Variants in NT5M observed in about 807,000 individuals in gnomAD.
NT5M encodes the protein 5'(3')-deoxyribonucleotidase, mitochondrial.
Under a neutral mutation model 22.2 loss-of-function variants are expected in NT5M, and 22 were observed. The ratio of observed to expected loss-of-function variants is 0.99; its 90% CI spans 0.71 to 1.41. The LOEUF (loss-of-function observed/expected upper bound fraction) is 1.41. Ranked by LOEUF, NT5M falls within the 40% of genes most tolerant of loss-of-function variation. The probability of loss-of-function intolerance (pLI) is 0.00; values close to 1 mark genes in which losing one functional copy is unlikely to be tolerated. For missense variants in NT5M, 322 were observed against 314.8 expected (o/e 1.02, Z -0.17); for synonymous variants, 167 against 133.0 (o/e 1.26, Z -1.76).
Position 17,340,468 on chromosome 17 carries a change from T to A in NT5M, c.430-4326T>A, listed in dbSNP as rs8081939. On this transcript the variant is annotated intron_variant, in intron 3 of 4. Transcript: ENST00000389022. ...CAAAACCAATCTTTTGTATTTTTTT[T>A]ATTTCATATTCATTTATTTCTGCTC... Among the ~76,000 whole-genome samples the A allele has an allele frequency of 6.5e-3, 993 of 152,236 alleles. 11 individuals carry two copies. The highest frequency in any genetic ancestry group is 0.023 in the African/African-American group (960 of 41,556).
chr17:17,347,048 T>C lies in NT5M; in HGVS notation c.*101T>C. 1 of 1,416,464 alleles carries C rather than the reference T, an allele frequency of 7.1e-7. No homozygotes were observed. Among genetic ancestry groups the C allele is most frequent in the Admixed American group, 2.2e-5 (1 of 46,486 alleles). The allele number at this position is 1,416,464 out of a possible 1,614,324, so 87.7% of individuals were successfully genotyped here. ...GCTGGTCTGGGAGTCCCTCCTAGAC[T>C]CCTGGGCCCCATGACCTCCTGCTGC... On this transcript the variant is annotated 3_prime_UTR_variant, in exon 5 of 5. Transcript: ENST00000389022.
At chr17:17,325,126 C>T (rs2049238612) in intron 3 of NT5M, among the ~76,000 whole-genome samples, 1 of 152,142 alleles carries the variant, frequency 6.6e-6, no homozygotes, top group African/African-American at 2.4e-5. Context: ...TCTCATACAC[C>T]CTCAAGTTTA....
At chr17:17,321,121 G>A (rs960713406) in intron 2 of NT5M, among the ~76,000 whole-genome samples, 10 of 152,018 alleles carry the variant, frequency 6.6e-5, no homozygotes, top group Non-Finnish European at 4.4e-5. Flanking sequence ...GCCAGCACAC[G>A]TTTGAATGAG....
At chr17:17,337,166 T>A (rs561268331) in intron 3 of NT5M, among the ~76,000 whole-genome samples, 1 of 152,262 alleles carries the variant, frequency 6.6e-6, no homozygotes, top group South Asian at 2.1e-4. Flanking sequence ...GATATTTCCT[T>A]GTAGTTTGAT....
chr17:17,331,037 C>T (rs773739989), intron 3 of NT5M, among the ~76,000 whole-genome samples: 13 of 151,728 alleles, frequency 8.6e-5, no homozygotes, highest in African/African-American at 9.8e-5. Flanking sequence ...CCACTGGACC[C>T]GGCCTTCTTT....
chr17:17,319,337 G>T (rs2049103382), intron 2 of NT5M, among the ~76,000 whole-genome samples: 1 of 152,156 alleles, frequency 6.6e-6, no homozygotes, highest in African/African-American at 2.4e-5. Context: ...CTTCTTTTTG[G>T]GGTGATGGAA....
In NT5M at chr17:17,335,045, T is replaced by G. The variant is rs145556472; in HGVS notation, c.430-9749T>G. Among the ~76,000 whole-genome samples the G allele has an allele frequency of 3.7e-3, 565 of 152,206 alleles. 3 individuals carry two copies. The highest frequency in any genetic ancestry group is 7.1e-3 in the Non-Finnish European group (483 of 68,008). ...CCTTCTCTCAGCAATGTTTTGTAGCTTTCAGTGTACCACTCTTGCACATAT... is the reference window on the plus strand; with the variant it reads ...CCTTCTCTCAGCAATGTTTTGTAGCGTTCAGTGTACCACTCTTGCACATAT... On this transcript the variant is annotated intron_variant, in intron 3 of 4. Transcript: ENST00000389022.
intron 3 of NT5M, 55 bp downstream of exon 3, chr17:17,323,300 G>C (rs1267579082): frequency 6.9e-7 from 1 of 1,447,404 alleles, no homozygotes; most frequent in African/African-American, 1.4e-5. Context: ...CAGGTGAGGG[G>C]TACGGGGCTC....
At chr17:17,334,623 G>C (rs1050169756) in intron 3 of NT5M, among the ~76,000 whole-genome samples, 2 of 151,512 alleles carry the variant, frequency 1.3e-5, no homozygotes, top group African/African-American at 4.8e-5. Flanking sequence ...TTACAGGCAC[G>C]CGCCACCACA....
intron 3 of NT5M, among the ~76,000 whole-genome samples, chr17:17,335,508 A>G (rs1362272059): frequency 6.6e-6 from 1 of 152,152 alleles, no homozygotes; most frequent in African/African-American, 2.4e-5. Context: ...GGTACATTAG[A>G]TGTTTTGATA....
At chr17:17,318,656 A>G (rs1456745663) in intron 2 of NT5M, among the ~76,000 whole-genome samples, 2 of 151,098 alleles carry the variant, frequency 1.3e-5, no homozygotes, top group South Asian at 2.1e-4. Context: ...GTGGTGGCAC[A>G]TACCTGTAAT....
intron 4 of NT5M, among the ~76,000 whole-genome samples, chr17:17,346,049 T>A (rs1421134123): frequency 6.6e-6 from 1 of 152,190 alleles, no homozygotes; most frequent in Non-Finnish European, 1.5e-5. Context: ...TACATTCTAT[T>A]TTTTTCCCTG....
Position 17,306,716 on chromosome 17 carries a change from C to T in NT5M, c.368+73C>T, listed in dbSNP as rs565428797. ...TGAGCCCTGTACCTCCTTCCTGCTT[C>T]TTCCCTCCTCTGCCTTCTCCTTTCT... is the stretch of plus-strand genomic sequence containing the variant. On this transcript the variant is annotated intron_variant, in intron 2 of 4. Coordinates refer to ENST00000389022, the MANE Select transcript of NT5M (RefSeq NM_020201.4). The T allele has an allele frequency of 2.5e-5, 25 of 994,698 alleles. No homozygotes were observed. In the South Asian group the frequency reaches 2.6e-4, roughly 10 times the overall value. 61.6% of individuals were successfully genotyped at this position (994,698 alleles called of 1,614,324 possible). A position where few individuals can be genotyped will look rare whatever the true frequency, so the allele number is the denominator to read the frequency against.
intron 3 of NT5M, among the ~76,000 whole-genome samples, chr17:17,325,306 G>A (rs2049242347): frequency 6.6e-6 from 1 of 151,408 alleles, no homozygotes; most frequent in African/African-American, 2.4e-5. Flanking sequence ...CTCGGCCCGG[G>A]ACTGCCCTCT....
chr17:17,319,475 A>C (rs2049106420), intron 2 of NT5M, among the ~76,000 whole-genome samples: 1 of 152,222 alleles, frequency 6.6e-6, no homozygotes, highest in Admixed American at 6.5e-5. Context: ...ACTTTTAAGA[A>C]ATGTTTACTC....
At chr17:17,305,140 T>A (rs184140386) in intron 1 of NT5M, among the ~76,000 whole-genome samples, 1 of 152,174 alleles carries the variant, frequency 6.6e-6, no homozygotes, top group Non-Finnish European at 1.5e-5. Context: ...CGGGAGTGTA[T>A]TAACGTGGAA....
chr17:17,321,942 A>C (rs965901852), intron 2 of NT5M, among the ~76,000 whole-genome samples: 3 of 151,980 alleles, frequency 2.0e-5, no homozygotes, highest in African/African-American at 4.8e-5. Context: ...TTTGGGGGGA[A>C]GTGATTCCAA....
At chr17:17,319,417 C>G (rs1203584266) in intron 2 of NT5M, among the ~76,000 whole-genome samples, 1 of 152,006 alleles carries the variant, frequency 6.6e-6, no homozygotes, top group African/African-American at 2.4e-5. Context: ...TTTAATTATA[C>G]ACTTAAAATA....
chr17:17,314,306 A>G (rs1258318913), intron 2 of NT5M, among the ~76,000 whole-genome samples: 2 of 152,102 alleles, frequency 1.3e-5, no homozygotes, highest in Non-Finnish European at 2.9e-5. Flanking sequence ...AAGTGCTAGG[A>G]TTACAGGCGT....
Sources: allele counts gnomAD v4.1 joint callset (sites outside exome capture counted in the v4.1 genomes callset), GRCh38; gene constraint gnomAD v4.1.1; transcripts MANE v1.5; gene names NCBI Gene and HGNC (gene_info 2026-07-23, HGNC 2026-07-21).